The following AURKB variants were observed in gnomAD, a reference collection of about 807,000 sequenced individuals.
AURKB encodes the protein aurora kinase B.
AURKB carries 28 observed loss-of-function variants against 36.5 expected under a neutral mutation model. The ratio of observed to expected loss-of-function variants is 0.77; its 90% CI spans 0.57 to 1.05. AURKB has a LOEUF of 1.05. Ranked by LOEUF, AURKB falls within the 50% of genes least tolerant of loss-of-function variation. The pLI is 0.00. For synonymous variants in AURKB, 175 were observed against 172.9 expected (o/e 1.01, Z -0.09); for missense variants, 383 against 447.4 (o/e 0.86, Z 1.30).
At chr17:8,208,484 G>T (rs1198028024) in intron 2 of AURKB, among the ~76,000 whole-genome samples, 1 of 140,576 alleles carries the variant, frequency 7.1e-6, no homozygotes, top group South Asian at 2.3e-4. Context: ...CCAGCTACTC[G>T]GGAGGCTGAG....
rs1488809665 is a variant in AURKB at position 8,210,351 on chromosome 17, G to T, written c.-25-102C>A. On this transcript the variant is annotated intron_variant, in intron 1 of 8. Coordinates refer to ENST00000585124, the MANE Select transcript of AURKB (RefSeq NM_004217.4). ...GAAGCGCTAGCCCGAGCTGGTAAAAGGGAGCAGGTCAGCACACTAGCCCCA... is the reference window on the plus strand; with the variant it reads ...GAAGCGCTAGCCCGAGCTGGTAAAATGGAGCAGGTCAGCACACTAGCCCCA... The T allele has an allele frequency of 5.6e-6, 5 of 887,902 alleles. No individual in the cohort carries two copies. The African/African-American group carries it at 6.7e-5, about 12-fold the overall frequency. The allele number at this position is 887,902 out of a possible 1,614,324, so 55.0% of individuals were successfully genotyped here. A position where few individuals can be genotyped will look rare whatever the true frequency, so the allele number is the denominator to read the frequency against.
At position 8,206,051 on chromosome 17, in the gene AURKB, C is replaced by T. The variant is rs537803289; in HGVS notation, c.686+440G>A. 5.3e-5 allele frequency among the ~76,000 whole-genome samples: 8 copies of T among 151,712 alleles called. No individual in the cohort carries two copies. Among genetic ancestry groups the T allele is most frequent in the Admixed American group, 6.6e-5 (1 of 15,216 alleles). ...TGGGACTGGTAGGCGTGAGCCACCG[C>T]GCCTGGCCAAAGTTTTACCATTGGC... On this transcript the variant is annotated intron_variant, in intron 7 of 8. Transcript: ENST00000585124. The surrounding 1 kb of genome is among the most constrained non-coding windows in gnomAD (Gnocchi z 4.2).
intron 2 of AURKB, 148 bp from the exon 3 acceptor site, chr17:8,207,988 C>T (rs1985590297): frequency 1.5e-6 from 1 of 646,126 alleles, no homozygotes; most frequent in African/African-American, 1.8e-5. Context: ...GACAGTTTTG[C>T]TTCCCAGCCT....
rs144573311 is a variant in AURKB at position 8,207,789 on chromosome 17, C to T, written c.100G>A (p.Val34Ile). The T allele has an allele frequency of 6.2e-7, 1 of 1,614,108 alleles. No individual in the cohort carries two copies. Among genetic ancestry groups the T allele is most frequent in the Non-Finnish European group, 8.5e-7 (1 of 1,180,014 alleles). Reference protein sequence around the residue: ...LPQRVLRKEPVTPSALVLMSR... With the variant: ...LPQRVLRKEPITPSALVLMSR... ...ATGAGGACAAGTGCAGATGGGGTGA[C>T]AGGCTCTTTCCGGAGGACTCGCTGG... is the stretch of plus-strand genomic sequence containing the variant. The change falls in exon 3 of 9, where the codon GTC becomes ATC. Residue 34 changes from valine to isoleucine, a missense_variant. Around this residue, in one of 3 missense-constraint regions of AURKB, gnomAD observed 105 missense variants for 95.7 expected, o/e 1.10. Coordinates refer to ENST00000585124, the MANE Select transcript of AURKB (RefSeq NM_004217.4).
chr17:8,210,492 A>G (rs987582894), intron 1 of AURKB, 38 bp downstream of exon 1: 6 of 495,692 alleles, frequency 1.2e-5, no homozygotes, highest in African/African-American at 8.2e-5. Flanking sequence ...TCATCTGCCC[A>G]CTCCCGGCGC....
rs372199124 is a variant in AURKB at position 8,207,608 on chromosome 17, C to G, written c.169G>C (p.Val57Leu). The stretch of plus-strand genomic sequence containing the variant: ...GGTGTCCCACTGCTATTCTCCATCA[C>G]CTTCTGGCCAGGGGCAGCTAAGGAG... ...VQPTAAPGQKVMENSSGTPDI... is the reference protein window; with the variant it reads ...VQPTAAPGQKLMENSSGTPDI... The change falls in exon 4 of 9, where the codon GTG (valine) becomes CTG (leucine). Residue 57 changes from valine to leucine, a missense_variant. Around this residue, in one of 3 missense-constraint regions of AURKB, gnomAD observed 105 missense variants for 95.7 expected, o/e 1.10. Coordinates refer to ENST00000585124, the MANE Select transcript of AURKB (RefSeq NM_004217.4). 228 of 1,613,874 alleles carry G rather than the reference C, an allele frequency of 1.4e-4. No homozygotes were observed. The highest frequency in any genetic ancestry group is 1.8e-4 in the Non-Finnish European group (215 of 1,179,880).
intron 8 of AURKB, 26 bp from the exon 9 acceptor site, chr17:8,205,070 C>A: frequency 6.4e-7 from 1 of 1,568,014 alleles, no homozygotes; most frequent in Non-Finnish European, 8.6e-7. Flanking sequence ...GATGGAAGGG[C>A]TGCATTAGTT....
At chr17:8,207,104 GAA>G (rs1985418761) in intron 5 of AURKB, 70 bp downstream of exon 5, 11 of 1,533,622 alleles carry the variant, frequency 7.2e-6, no homozygotes, top group Admixed American at 3.7e-5. Context: ...CAATCTGGAT[GAA>G]GTGGGGCTGA....
At chr17:8,210,270 G>C in intron 1 of AURKB, 21 bp from the exon 2 acceptor site, 1 of 1,495,464 alleles carries the variant, frequency 6.7e-7, no homozygotes, top group Non-Finnish European at 9.2e-7. Context: ...AAGGGAAACA[G>C]CCGTGAGAAG....
Position 8,206,814 on chromosome 17 carries a change from G to C in AURKB, c.473C>G (p.Pro158Arg), listed in dbSNP as rs1416551145. The change falls in exon 6 of 9, where the codon CCC (proline) becomes CGC (arginine). Residue 158 changes from proline to arginine, a missense_variant. Coordinates refer to ENST00000585124, the MANE Select transcript of AURKB (RefSeq NM_004217.4). This position sits in a 1 kb window ranked among gnomAD's most constrained non-coding sequence, Gnocchi z 4.2. Reference protein sequence around the residue: ...RRIYLILEYAPRGELYKELQK... With the variant: ...RRIYLILEYARRGELYKELQK... ...CAGCTCCTTGTAGAGCTCCCCGCGG[G>C]GGGCATACTCTAGAATCAAGTAGAT... The C allele has an allele frequency of 4.3e-6, 7 of 1,614,198 alleles. No homozygotes were observed. The highest frequency in any genetic ancestry group is 5.9e-6 in the Non-Finnish European group (7 of 1,180,038).
At chr17:8,210,405 C>G (rs1420072916) in intron 1 of AURKB, 125 bp downstream of exon 1, 1 of 638,940 alleles carries the variant, frequency 1.6e-6, no homozygotes, top group Non-Finnish European at 2.8e-6. Flanking sequence ...CCGCCCCCGC[C>G]CTGCTATCGT....
At position 8,207,740 on chromosome 17, in the gene AURKB, G is replaced by C; in HGVS notation, c.149C>G (p.Thr50Arg). ...CCTCTCCCCCTTGCGCCAGTTACCT[G>C]TGGGCTGGACATTGGAGCGGCTCAT... ...VLMSRSNVQP[T>R]AAPGQKVMEN... Residue 50 changes from threonine to arginine, a missense_variant and splice_region_variant, in exon 3 of 9, where the codon ACA becomes AGA. Physicochemically the swap from Thr to Arg is moderately conservative, Grantham distance 71 (BLOSUM62 -1). Coordinates refer to ENST00000585124, the MANE Select transcript of AURKB (RefSeq NM_004217.4). 6.2e-7 allele frequency: 1 copy of C among 1,614,140 alleles called. No homozygotes were observed. The highest frequency in any genetic ancestry group is 8.5e-7 in the Non-Finnish European group (1 of 1,179,994).
chr17:8,207,753 T>C lies in AURKB; in HGVS notation c.136A>G (p.Asn46Asp), dbSNP rs373303324. The C allele has an allele frequency of 6.2e-7, 1 of 1,614,032 alleles. No homozygotes were observed. Among genetic ancestry groups the C allele is most frequent in the Middle Eastern group, 1.6e-4 (1 of 6,084 alleles). The change falls in exon 3 of 9, where the codon AAT (asparagine) becomes GAT (aspartate). Residue 46 changes from asparagine to aspartate, a missense_variant. Asn to Asp is a conservative substitution (Grantham distance 23). This residue lies in a region of AURKB where 105 missense variants were observed against 95.7 expected (regional missense o/e 1.10). Transcript: ENST00000585124. The part of the protein sequence containing the change: ...PSALVLMSRS[N>D]VQPTAAPGQK... ...CGCCAGTTACCTGTGGGCTGGACAT[T>C]GGAGCGGCTCATGAGGACAAGTGCA...
At chr17:8,209,396 T>C (rs1207515712) in intron 2 of AURKB, among the ~76,000 whole-genome samples, 1 of 152,238 alleles carries the variant, frequency 6.6e-6, no homozygotes, top group Non-Finnish European at 1.5e-5. Context: ...TCAGACTCCA[T>C]TCCTGACAGC....
intron 1 of AURKB, 50 bp from the exon 2 acceptor site, chr17:8,210,299 GA>G: frequency 7.2e-7 from 1 of 1,386,864 alleles, no homozygotes; most frequent in South Asian, 1.2e-5. Context: ...AAGAGAGAGA[GA>G]GGGAGGGGTT....
chr17:8,209,888 G>C lies in AURKB; in HGVS notation c.48+289C>G, dbSNP rs115241367. On this transcript the variant is annotated intron_variant, in intron 2 of 8. Transcript: ENST00000585124. ...TATGGATTGGGAATCATGGCCTGAA[G>C]GCCAGGCCCTGCCTGCTCAGTCCCA... The C allele has an allele frequency of 3.5e-3, 1,795 of 508,604 alleles. 23 individuals carry two copies. Among genetic ancestry groups the C allele is most frequent in the African/African-American group, 0.032 (1,607 of 49,620 alleles). 31.5% of individuals were successfully genotyped at this position (508,604 alleles called of 1,614,324 possible).
chr17:8,204,782 A>G lies in AURKB; in HGVS notation c.*89T>C, dbSNP rs983011847. On this transcript the variant is annotated 3_prime_UTR_variant, in exon 9 of 9. Transcript: ENST00000585124. ...TATTAAACAAAGGAGGAGGTAGAAA[A>G]CAGATAAGGGAACAGTTAGGGATCC... is the stretch of plus-strand genomic sequence containing the variant. 4 of 1,527,372 alleles carry G rather than the reference A, an allele frequency of 2.6e-6. No individual in the cohort carries two copies. The highest frequency in any genetic ancestry group is 3.6e-6 in the Non-Finnish European group (4 of 1,122,848). 94.6% of individuals were successfully genotyped at this position (1,527,372 alleles called of 1,614,324 possible).
chr17:8,206,987 C>A lies in AURKB; in HGVS notation c.399-99G>T. 1.3e-6 allele frequency: 2 copies of A among 1,563,964 alleles called. No individual in the cohort carries two copies. The highest frequency in any genetic ancestry group is 8.7e-7 in the Non-Finnish European group (1 of 1,152,110). ...GGTCAGACGTGGCCCAGGCCGGGGA[C>A]ACCAGGGCTGGGAGTGGTAAGGGGA... is the stretch of plus-strand genomic sequence containing the variant. On this transcript the variant is annotated intron_variant, in intron 5 of 8. Transcript: ENST00000585124. The surrounding 1 kb of genome is among the most constrained non-coding windows in gnomAD (Gnocchi z 4.2).
Position 8,206,439 on chromosome 17 carries a change from G to A in AURKB, c.686+52C>T. On this transcript the variant is annotated intron_variant, in intron 7 of 8. Coordinates refer to ENST00000585124, the MANE Select transcript of AURKB (RefSeq NM_004217.4). The surrounding 1 kb of genome is among the most constrained non-coding windows in gnomAD (Gnocchi z 4.2). ...AGCCACGGTGCACGGCCCCTGGAGAGGTTTTAATGGCCCAGCCTCACACCC... is the reference window on the plus strand; with the variant it reads ...AGCCACGGTGCACGGCCCCTGGAGAAGTTTTAATGGCCCAGCCTCACACCC... 6.2e-7 allele frequency: 1 copy of A among 1,609,590 alleles called. No homozygotes were observed. Among genetic ancestry groups the A allele is most frequent in the South Asian group, 1.1e-5 (1 of 90,772 alleles).
Sources: allele counts gnomAD v4.1 joint callset (sites outside exome capture counted in the v4.1 genomes callset), GRCh38; gene constraint gnomAD v4.1.1; regional missense constraint gnomAD v4.1.1; non-coding constraint Gnocchi (gnomAD v3.1); transcripts MANE v1.5; gene names NCBI Gene and HGNC (gene_info 2026-07-23, HGNC 2026-07-21).